TUSC3: variants seen among roughly 807,000 people sequenced by gnomAD.
TUSC3 encodes the protein dolichyl-diphosphooligosaccharide--protein glycosyltransferase subunit TUSC3.
Under a neutral mutation model 44.8 loss-of-function variants are expected in TUSC3, and 45 were observed. The ratio of observed to expected loss-of-function variants is 1.00; its 90% confidence interval spans 0.79 to 1.29. The LOEUF (loss-of-function observed/expected upper bound fraction) is 1.29, where lower values mean the gene tolerates loss of function less well. Ranked by LOEUF, TUSC3 falls within the 50% of genes most tolerant of loss-of-function variation. The pLI is 0.00. For synonymous variants in TUSC3, 212 were observed against 152.9 expected (o/e 1.39, Z -2.85); for missense variants, 519 against 437.9 (o/e 1.19, Z -1.65).
At chr8:15,710,798 AATAT>A (rs1380336287) in intron 6 of TUSC3, among the ~76,000 whole-genome samples, 4 of 148,430 alleles carry the variant, frequency 2.7e-5, no homozygotes, top group African/African-American at 4.9e-5. Context: ...TATATTTATA[AATAT>A]ATATATTTGC....
Position 15,571,442 on chromosome 8 carries a change from A to G in TUSC3, c.138+30874A>G, listed in dbSNP as rs1046796878. ...TGTATTGTTGTCTATTAAATGTGCAATAGCACTCTGTCTAAAAGAAAAGTA... is the reference window on the plus strand; with the variant it reads ...TGTATTGTTGTCTATTAAATGTGCAGTAGCACTCTGTCTAAAAGAAAAGTA... On this transcript the variant is annotated intron_variant, in intron 1 of 10. Coordinates refer to ENST00000503731, the MANE Select transcript of TUSC3 (RefSeq NM_006765.4). Among the ~76,000 whole-genome samples the G allele has an allele frequency of 2.4e-4, 36 of 152,178 alleles. 1 individual carries two copies. The highest frequency in any genetic ancestry group is 7.9e-4 in the Admixed American group (12 of 15,280).
At chr8:15,633,783 A>C (rs1332311367) in intron 2 of TUSC3, among the ~76,000 whole-genome samples, 3 of 152,128 alleles carry the variant, frequency 2.0e-5, no homozygotes, top group African/African-American at 4.8e-5. Flanking sequence ...GGCCCTACTC[A>C]TACCTTGATT....
chr8:15,458,728 A>G (rs1563256507), intron 1 of TUSC3, among the ~76,000 whole-genome samples: 26 of 152,210 alleles, frequency 1.7e-4, no homozygotes. Context: ...CTAATTTTTC[A>G]TAGAGTTCAG....
At chr8:15,713,064 G>A (rs1809920865) in intron 6 of TUSC3, among the ~76,000 whole-genome samples, 1 of 151,956 alleles carries the variant, frequency 6.6e-6, no homozygotes, top group Admixed American at 6.6e-5. Flanking sequence ...AAATATTTTT[G>A]CTTTTCTTTA....
At chr8:15,699,966 C>A (rs1809326646) in intron 6 of TUSC3, among the ~76,000 whole-genome samples, 1 of 152,106 alleles carries the variant, frequency 6.6e-6, no homozygotes, top group African/African-American at 2.4e-5. Context: ...GCAGAAAGGG[C>A]ATTCCAATAT....
chr8:15,712,921 A>T (rs571776008), intron 6 of TUSC3, among the ~76,000 whole-genome samples: 2 of 152,230 alleles, frequency 1.3e-5, no homozygotes, highest in East Asian at 3.9e-4. Context: ...TGGCTCCTTT[A>T]TGCGTAGCTC....
At chr8:15,677,648 T>G (rs1338612495) in intron 6 of TUSC3, among the ~76,000 whole-genome samples, 3 of 152,220 alleles carry the variant, frequency 2.0e-5, no homozygotes, top group Non-Finnish European at 4.4e-5. Flanking sequence ...CATGCCCATA[T>G]CAGCACAAAA....
intron 6 of TUSC3, among the ~76,000 whole-genome samples, chr8:15,727,825 A>G (rs1453040329): frequency 1.3e-5 from 2 of 152,200 alleles, no homozygotes; most frequent in Admixed American, 6.5e-5. Flanking sequence ...CACTTACACT[A>G]TTGTATATCA....
chr8:15,600,708 T>TA (rs1302682368), intron 1 of TUSC3, among the ~76,000 whole-genome samples: 1 of 151,694 alleles, frequency 6.6e-6, no homozygotes, highest in African/African-American at 2.4e-5. Flanking sequence ...AGTTAAGAAT[T>TA]AAAATCACTT....
chr8:15,643,879 T>G (rs1437477693), intron 2 of TUSC3, among the ~76,000 whole-genome samples: 1 of 152,198 alleles, frequency 6.6e-6, no homozygotes, highest in Non-Finnish European at 1.5e-5. Flanking sequence ...TCGCTCCAGA[T>G]CTTTGTGTAT....
the TUSC3 span, among the ~76,000 whole-genome samples, chr8:15,772,582 A>G: frequency 6.6e-6 from 1 of 152,226 alleles, no homozygotes; most frequent in African/African-American, 2.4e-5. Flanking sequence ...AGTTACACCA[A>G]ATATTTAAAG....
At chr8:15,564,673 C>A (rs1300885990) in intron 1 of TUSC3, among the ~76,000 whole-genome samples, 1 of 152,136 alleles carries the variant, frequency 6.6e-6, no homozygotes, top group Admixed American at 6.5e-5. Context: ...AGCTAGATGA[C>A]ATTTCCCAGT....
chr8:15,805,668 T>A, the TUSC3 span, among the ~76,000 whole-genome samples: 2 of 152,184 alleles, frequency 1.3e-5, no homozygotes, highest in Non-Finnish European at 2.9e-5. Context: ...ATCCCAGGAG[T>A]GAAGCCTACT....
intron 7 of TUSC3, among the ~76,000 whole-genome samples, chr8:15,740,495 C>G (rs1585288833): frequency 1.3e-5 from 2 of 151,430 alleles, no homozygotes; most frequent in East Asian, 3.9e-4. Flanking sequence ...GAAAAAGCAA[C>G]TGTGCTTTTG....
chr8:15,651,896 C>A (rs1806925456), intron 3 of TUSC3, among the ~76,000 whole-genome samples: 1 of 152,164 alleles, frequency 6.6e-6, no homozygotes, highest in African/African-American at 2.4e-5. Flanking sequence ...TATGTCCAGG[C>A]ACTGTTCAAC....
the TUSC3 span, among the ~76,000 whole-genome samples, chr8:15,841,169 A>T: frequency 7.3e-5 from 11 of 149,944 alleles, no homozygotes; most frequent in Admixed American, 1.3e-4. Flanking sequence ...TATATGTTTT[A>T]TATATATATA....
the TUSC3 span, among the ~76,000 whole-genome samples, chr8:15,822,943 T>A: frequency 0.14 from 21,410 of 152,128 alleles, 1,665 homozygotes; most frequent in East Asian, 0.25. Context: ...TCAAGTTCAC[T>A]GACAGGTTCA....
intron 6 of TUSC3, among the ~76,000 whole-genome samples, chr8:15,676,760 T>C (rs1424195557): frequency 1.3e-5 from 2 of 152,180 alleles, no homozygotes; most frequent in Admixed American, 6.5e-5. Flanking sequence ...CAGCTCCAAA[T>C]ATCAGAGTAT....
At chr8:15,657,842 T>C (rs1038145156) in intron 3 of TUSC3, among the ~76,000 whole-genome samples, 1 of 152,216 alleles carries the variant, frequency 6.6e-6, no homozygotes, top group African/African-American at 2.4e-5. Context: ...ATAAGTATAA[T>C]GAACAGATAT....
Sources: gnomAD v4.1 joint callset for allele counts (sites outside exome capture counted in the v4.1 genomes callset) on GRCh38, gnomAD v4.1.1 for gene constraint, MANE v1.5 for transcripts, NCBI Gene and HGNC (gene_info 2026-07-23, HGNC 2026-07-21) for gene names.